The following TOP1MT variants were observed in gnomAD, a reference collection of about 807,000 sequenced individuals.
TOP1MT encodes DNA topoisomerase I, mitochondrial.
In TOP1MT, 80 loss-of-function variants were observed where a neutral mutation model predicts 73.9. The observed-to-expected ratio is 1.08, with a 90% CI of 0.90 to 1.30. The LOEUF is 1.30. TOP1MT is among the 50% of genes most tolerant of loss of function. TOP1MT has a pLI of 0.00. For missense variants in TOP1MT, 815 were observed against 808.0 expected, an observed-to-expected ratio of 1.01 and a Z score of -0.10; for synonymous variants, 338 against 326.4, an observed-to-expected ratio of 1.04 and a Z score of -0.38.
At chr8:143,333,620 C>T (rs1009718405) in intron 1 of TOP1MT, among the ~76,000 whole-genome samples, 6 of 152,212 alleles carry the variant, frequency 3.9e-5, no homozygotes, top group Non-Finnish European at 8.8e-5. Flanking sequence ...TGGGTGTGCG[C>T]TCAAGCCCAA....
At chr8:143,309,647 C>T in intron 13 of TOP1MT, 104 bp from the exon 14 acceptor site, 1 of 1,556,508 alleles carries the variant, frequency 6.4e-7, no homozygotes, top group Non-Finnish European at 8.7e-7. Context: ...AGCAGAGACA[C>T]CAGAGCCGCC....
chr8:143,321,802 ACG>A (rs1491227772), intron 7 of TOP1MT, among the ~76,000 whole-genome samples: 3 of 111,156 alleles, frequency 2.7e-5, no homozygotes, highest in African/African-American at 1.1e-4. Flanking sequence ...CACGCCACAC[ACG>A]CACGCTACAC....
chr8:143,335,495 G>T (rs958666821), upstream of TOP1MT, among the ~76,000 whole-genome samples: 2 of 152,206 alleles, frequency 1.3e-5, no homozygotes, highest in African/African-American at 4.8e-5. Flanking sequence ...GGCACAGCTG[G>T]AGCCTCCTTC....
chr8:143,322,094 A>C (rs62644306), intron 7 of TOP1MT, among the ~76,000 whole-genome samples: 39 of 36,474 alleles, frequency 1.1e-3, no homozygotes, highest in African/African-American at 2.5e-3. Flanking sequence ...AGGCATGCCA[A>C]ACACGCACGC....
At chr8:143,317,895 C>A in intron 9 of TOP1MT, 58 bp from the exon 10 acceptor site, 1 of 1,597,644 alleles carries the variant, frequency 6.3e-7, no homozygotes, top group East Asian at 2.2e-5. Flanking sequence ...CCCAGCCTCC[C>A]GCGGGAAGGA....
Position 143,317,823 on chromosome 8 carries a change from G to C in TOP1MT, c.1230C>G (p.Asn410Lys). ...CGTCCATCAGCTCCTGGAGGTGCTT[G>C]TTCAGGCTGGTCGTCTGGGGAGGAA... ...LFDRLTTTSLNKHLQELMDGL... is the reference protein window; with the variant it reads ...LFDRLTTTSLKKHLQELMDGL... Residue 410 changes from asparagine to lysine, a missense_variant, in exon 10 of 14, where the codon AAC becomes AAG. By Grantham distance (94) the Asn-to-Lys change is moderately conservative. Transcript: ENST00000329245. The C allele has an allele frequency of 6.2e-7, 1 of 1,614,176 alleles. No homozygotes were observed. The highest frequency in any genetic ancestry group is 1.3e-5 in the African/African-American group (1 of 75,072).
Position 143,326,479 on chromosome 8 carries a change from G to A in TOP1MT, c.361-135C>T, listed in dbSNP as rs568018007. ...CGTGTGTGCAATAGGCAGAACCTGC[G>A]CACGGTCCTGCGGCCCCGTAAATAG... On this transcript the variant is annotated intron_variant, in intron 3 of 13. Coordinates refer to ENST00000329245, the MANE Select transcript of TOP1MT (RefSeq NM_052963.3). The A allele has an allele frequency of 2.0e-4, 232 of 1,159,294 alleles. 1 individual carries two copies. The South Asian group carries it at 3.1e-3, about 15-fold the overall frequency. The allele number at this position is 1,159,294 out of a possible 1,614,324, so 71.8% of individuals were successfully genotyped here.
At chr8:143,348,292 A>G (rs1319213977), upstream of TOP1MT, among the ~76,000 whole-genome samples, 1 of 152,182 alleles carries the variant, frequency 6.6e-6, no homozygotes, top group Non-Finnish European at 1.5e-5. The surrounding 1 kb of genome is among the most constrained non-coding windows in gnomAD (Gnocchi z 4.6). Context: ...AGGACAGCAC[A>G]AGGGGTGGTA....
upstream of TOP1MT, among the ~76,000 whole-genome samples, chr8:143,337,450 T>A: frequency 6.6e-6 from 1 of 151,960 alleles, no homozygotes; most frequent in East Asian, 1.9e-4. Context: ...AAAAACTCAA[T>A]ACAATCCCCA....
In TOP1MT at chr8:143,317,715, A is replaced by T. The variant is rs2272637; in HGVS notation, c.1330+8T>A. ...CCCGCGCTGAGTGTGGGTGTGGGGC[A>T]GGCTCACCGCGCGTCAGGGCCCGCA... On this transcript the variant is annotated splice_region_variant and intron_variant, in intron 10 of 13. Transcript: ENST00000329245. 6 of 1,611,146 alleles carry T rather than the reference A, an allele frequency of 3.7e-6. No homozygotes were observed. Among genetic ancestry groups the T allele is most frequent in the Non-Finnish European group, 5.1e-6 (6 of 1,178,562 alleles).
chr8:143,324,423 C>A, intron 6 of TOP1MT, 62 bp downstream of exon 6: 1 of 1,609,566 alleles, frequency 6.2e-7, no homozygotes, highest in Non-Finnish European at 8.5e-7. Flanking sequence ...TACACACCTC[C>A]CTGCCGGCGT....
intron 7 of TOP1MT, among the ~76,000 whole-genome samples, chr8:143,323,520 A>C (rs1413599455): frequency 8.6e-6 from 1 of 116,940 alleles, no homozygotes; most frequent in Non-Finnish European, 1.8e-5. Flanking sequence ...CGCCACACAC[A>C]CATGCACGCC....
chr8:143,349,613 C>A (rs1407554094), upstream of TOP1MT, among the ~76,000 whole-genome samples: 1 of 149,748 alleles, frequency 6.7e-6, no homozygotes, highest in Non-Finnish European at 1.5e-5. Flanking sequence ...CCCAATAAAA[C>A]ATTTTGTTTA....
At chr8:143,353,857 G>A (rs563779223) in intron 1 of TOP1MT, among the ~76,000 whole-genome samples, 7 of 150,554 alleles carry the variant, frequency 4.6e-5, no homozygotes, top group East Asian at 2.0e-4. Context: ...CCAGCTACTC[G>A]GGAGGCTGAG....
At chr8:143,342,502 GTTATTA>G (rs1175799496) in intron 2 of TOP1MT, among the ~76,000 whole-genome samples, 16 of 91,994 alleles carry the variant, frequency 1.7e-4, no homozygotes, top group African/African-American at 1.0e-3. Context: ...GAGTCTCGCT[GTTATTA>G]TTATTATTAT....
At chr8:143,330,775 C>CG (rs1235065559) in intron 2 of TOP1MT, among the ~76,000 whole-genome samples, 4 of 152,174 alleles carry the variant, frequency 2.6e-5, no homozygotes, top group Non-Finnish European at 5.9e-5. Context: ...CCAGAGCCCC[C>CG]GGGTCCTGCC....
chr8:143,312,900 A>AACAT (rs1209329730), intron 12 of TOP1MT, among the ~76,000 whole-genome samples: 1 of 152,218 alleles, frequency 6.6e-6, no homozygotes, highest in Admixed American at 6.5e-5. Flanking sequence ...TAGCTTGGGC[A>AACAT]ACATACAAAA....
At chr8:143,326,483 G>T in intron 3 of TOP1MT, 139 bp from the exon 4 acceptor site, 1 of 1,118,698 alleles carries the variant, frequency 8.9e-7, no homozygotes, top group Non-Finnish European at 1.3e-6. Context: ...ACCTGCGCAC[G>T]GTCCTGCGGC....
intron 12 of TOP1MT, among the ~76,000 whole-genome samples, chr8:143,313,381 T>A (rs764187125): frequency 6.6e-6 from 1 of 151,514 alleles, no homozygotes; most frequent in Non-Finnish European, 1.5e-5. Flanking sequence ...TGAAACCCCA[T>A]CTGTACTAAA....
Sources: gnomAD v4.1 joint callset for allele counts (sites outside exome capture counted in the v4.1 genomes callset) on GRCh38, gnomAD v4.1.1 for gene constraint, Gnocchi (gnomAD v3.1) non-coding constraint, MANE v1.5 for transcripts, NCBI Gene and HGNC (gene_info 2026-07-23, HGNC 2026-07-21) for gene names.